DOCK1: variants seen among roughly 807,000 people sequenced by gnomAD.
DOCK1 encodes the protein dedicator of cytokinesis 1, also known as dedicator of cytokinesis protein 1.
DOCK1 carries 138 observed loss-of-function variants against 262.7 expected under a neutral mutation model. That is an observed-to-expected ratio of 0.53 (90% confidence interval 0.46 to 0.61). DOCK1 has a LOEUF of 0.61. Ranked by LOEUF, DOCK1 falls within the 20% of genes least tolerant of loss-of-function variation. The probability of loss-of-function intolerance (pLI) is 0.00; values close to 1 mark genes in which losing one functional copy is unlikely to be tolerated. For missense variants in DOCK1, 1,908 were observed against 2,370.7 expected (o/e 0.80, Z 4.05); for synonymous variants, 866 against 867.4 (o/e 1.00, Z 0.03).
At chr10:127,382,546 C>T (rs537355013) in intron 37 of DOCK1, among the ~76,000 whole-genome samples, 37 of 152,166 alleles carry the variant, frequency 2.4e-4, no homozygotes, top group African/African-American at 5.1e-4. Context: ...CCCCGTGCCA[C>T]GTGGGCTCTC....
At chr10:127,285,875 G>A (rs141894309) in intron 29 of DOCK1, among the ~76,000 whole-genome samples, 9 of 152,322 alleles carry the variant, frequency 5.9e-5, no homozygotes, top group Admixed American at 2.0e-4. Context: ...TCTGGGCTCC[G>A]TGAAACTACC....
intron 44 of DOCK1, among the ~76,000 whole-genome samples, chr10:127,417,338 C>G (rs962538993): frequency 3.9e-5 from 6 of 152,312 alleles, no homozygotes; most frequent in African/African-American, 1.4e-4. Flanking sequence ...CACCTTAGGG[C>G]TGAGCTGGAG....
chr10:127,197,285 A>G (rs1187454199), intron 27 of DOCK1, among the ~76,000 whole-genome samples: 2 of 152,218 alleles, frequency 1.3e-5, no homozygotes, highest in South Asian at 2.1e-4. Context: ...CAGAAGCCAC[A>G]GGGCGCAGAG....
intron 10 of DOCK1, among the ~76,000 whole-genome samples, chr10:127,004,332 T>A (rs561670631): frequency 3.5e-4 from 53 of 152,188 alleles, no homozygotes; most frequent in African/African-American, 1.3e-3. Flanking sequence ...TACTAGAAAC[T>A]CTTCTCTGAG....
At chr10:127,412,471 A>G (rs1437906457) in intron 43 of DOCK1, among the ~76,000 whole-genome samples, 1 of 151,090 alleles carries the variant, frequency 6.6e-6, no homozygotes. Flanking sequence ...TGCCTGGGAA[A>G]CCTCCGGAAA....
At chr10:127,448,471 C>T (rs890788130) in intron 51 of DOCK1, among the ~76,000 whole-genome samples, 1 of 152,222 alleles carries the variant, frequency 6.6e-6, no homozygotes, top group Admixed American at 6.5e-5. Context: ...TCACTCATCC[C>T]TGCGGGTCCC....
chr10:127,431,284 G>C (rs1188977054), intron 47 of DOCK1, among the ~76,000 whole-genome samples: 1 of 152,210 alleles, frequency 6.6e-6, no homozygotes, highest in Non-Finnish European at 1.5e-5. Flanking sequence ...CTGATGTCTT[G>C]ATTTCTAGAG....
At chr10:127,098,591 A>G (rs1471757756) in intron 23 of DOCK1, among the ~76,000 whole-genome samples, 1 of 152,108 alleles carries the variant, frequency 6.6e-6, no homozygotes, top group African/African-American at 2.4e-5. Context: ...CCCGATAGGA[A>G]ATGCTACCTT....
At chr10:127,000,415 C>G (rs2040502895) in intron 10 of DOCK1, 108 bp downstream of exon 10, 1 of 1,417,972 alleles carries the variant, frequency 7.1e-7, no homozygotes, top group Admixed American at 2.7e-5. Context: ...GATTTATAAG[C>G]TTTTCTGCTG....
chr10:127,349,823 T>G (rs2386833), intron 31 of DOCK1, among the ~76,000 whole-genome samples: 1 of 152,160 alleles, frequency 6.6e-6, no homozygotes, highest in Non-Finnish European at 1.5e-5. Context: ...CCCTGCCCCA[T>G]CTTCCTGTGG....
chr10:127,343,589 T>C (rs2063516001), intron 30 of DOCK1, 57 bp from the exon 31 acceptor site: 1 of 1,335,796 alleles, frequency 7.5e-7, no homozygotes, highest in African/African-American at 1.5e-5. Flanking sequence ...AGAGCATTGT[T>C]GAGATCCTAT....
At chr10:127,065,003 GTGTC>G (rs2045771242) in intron 23 of DOCK1, among the ~76,000 whole-genome samples, 1 of 152,052 alleles carries the variant, frequency 6.6e-6, no homozygotes, top group East Asian at 1.9e-4. Flanking sequence ...TTGTCCTTTT[GTGTC>G]TGGCTTTTTT....
At chr10:127,224,269 A>G (rs551660640) in intron 27 of DOCK1, among the ~76,000 whole-genome samples, 4 of 152,174 alleles carry the variant, frequency 2.6e-5, no homozygotes, top group African/African-American at 4.8e-5. Flanking sequence ...ATTTAGAAAT[A>G]TTAATGTTTG....
intron 27 of DOCK1, among the ~76,000 whole-genome samples, chr10:127,200,567 C>T (rs972980278): frequency 6.6e-6 from 1 of 152,030 alleles, no homozygotes; most frequent in Non-Finnish European, 1.5e-5. Context: ...CCACGCCTGG[C>T]TGATTTTTTG....
chr10:127,253,720 A>T (rs902858840), intron 28 of DOCK1, among the ~76,000 whole-genome samples: 6 of 151,840 alleles, frequency 4.0e-5, no homozygotes, highest in Non-Finnish European at 8.8e-5. Context: ...CAAAAAATAT[A>T]AAAAAATAGC....
At chr10:127,043,285 T>C in intron 21 of DOCK1, 121 bp downstream of exon 21, 1 of 766,622 alleles carries the variant, frequency 1.3e-6, no homozygotes, top group Middle Eastern at 3.0e-4. Context: ...ACTCTGAGTT[T>C]ACTGGAATAA....
At chr10:127,020,613 A>T (rs573529005) in intron 13 of DOCK1, among the ~76,000 whole-genome samples, 15 of 152,044 alleles carry the variant, frequency 9.9e-5, no homozygotes, top group African/African-American at 3.6e-4. Flanking sequence ...ATCTCATGAT[A>T]GATTCATAGG....
At chr10:127,091,256 TA>T (rs2047516118) in intron 23 of DOCK1, among the ~76,000 whole-genome samples, 1 of 152,186 alleles carries the variant, frequency 6.6e-6, no homozygotes, top group African/African-American at 2.4e-5. Context: ...GTGCTGGGAT[TA>T]CAGGCGTGAG....
intron 27 of DOCK1, among the ~76,000 whole-genome samples, chr10:127,150,070 A>G (rs1180449589): frequency 6.6e-6 from 1 of 152,228 alleles, no homozygotes; most frequent in African/African-American, 2.4e-5. Flanking sequence ...TGGGAGAACA[A>G]GACATGGATG....
Sources: allele counts gnomAD v4.1 joint callset (sites outside exome capture counted in the v4.1 genomes callset), GRCh38; gene constraint gnomAD v4.1.1; transcripts MANE v1.5; gene names NCBI Gene and HGNC (gene_info 2026-07-23, HGNC 2026-07-21).